Variants in PINK1 observed in about 807,000 individuals in gnomAD.
PINK1 encodes serine/threonine-protein kinase PINK1, mitochondrial.
In PINK1, 58 loss-of-function variants were observed where a neutral mutation model predicts 56.0. The observed-to-expected ratio is 1.04, with a 90% CI of 0.84 to 1.29. The LOEUF is 1.29. PINK1 is among the 50% of genes most tolerant of loss of function. PINK1 has a pLI of 0.00. For synonymous variants in PINK1, 354 were observed against 339.3 expected (o/e 1.04, Z -0.48); for missense variants, 745 against 777.9 (o/e 0.96, Z 0.50).
intron 1 of PINK1, among the ~76,000 whole-genome samples, chr1:20,634,242 A>T (rs1453299266): frequency 3.3e-5 from 5 of 152,238 alleles, no homozygotes; most frequent in African/African-American, 4.8e-5. Flanking sequence ...ACTAAATCAT[A>T]ACATTCCTAT....
chr1:20,648,768 G>A (rs999515175), intron 6 of PINK1, 136 bp downstream of exon 6: 2 of 1,466,018 alleles, frequency 1.4e-6, no homozygotes, highest in African/African-American at 1.4e-5. Flanking sequence ...TTCCTTCCCT[G>A]CCACTTTGCT....
chr1:20,649,545 A>T (rs1403373647), intron 7 of PINK1: 2 of 344,628 alleles, frequency 5.8e-6, no homozygotes, highest in Non-Finnish European at 1.1e-5. Flanking sequence ...CGGGTGGATC[A>T]CTTGGGACCA....
In PINK1 at chr1:20,638,085, G is replaced by A. The variant is rs201885172; in HGVS notation, c.631G>A (p.Ala211Thr). The A allele has an allele frequency of 2.7e-5, 44 of 1,613,724 alleles. No individual in the cohort carries two copies. The highest frequency in any genetic ancestry group is 1.1e-5 in the South Asian group (1 of 91,088). Reference protein sequence around the residue: ...PGEGQERAPGAPAFPLAIKMM... With the variant: ...PGEGQERAPGTPAFPLAIKMM... ...AGAAGGGCAGGAGCGAGCTCCGGGG[G>A]CCCCTGCCTTCCCCTTGGCCATCAA... The change falls in exon 2 of 8, where the codon GCC (alanine) becomes ACC (threonine). Residue 211 changes from alanine to threonine, a missense_variant. Ala to Thr is a moderately conservative substitution (Grantham distance 58). Transcript: ENST00000321556.
At chr1:20,648,484 A>C (rs2053215536) in intron 5 of PINK1, 21 bp from the exon 6 acceptor site, 1 of 1,614,028 alleles carries the variant, frequency 6.2e-7, no homozygotes, top group Non-Finnish European at 8.5e-7. Flanking sequence ...AGAAATGGTC[A>C]CTTTGCTTGC....
chr1:20,646,763 C>G (rs931323591), intron 5 of PINK1, among the ~76,000 whole-genome samples: 21 of 152,074 alleles, frequency 1.4e-4, no homozygotes, highest in African/African-American at 5.1e-4. Flanking sequence ...GCTGAATGGC[C>G]ACTTGCCTAG....
intron 1 of PINK1, among the ~76,000 whole-genome samples, chr1:20,634,512 T>G (rs1212286797): frequency 6.6e-6 from 1 of 152,186 alleles, no homozygotes; most frequent in Non-Finnish European, 1.5e-5. Flanking sequence ...GTTCTTAGGG[T>G]TTTTTAATGC....
chr1:20,640,712 C>T (rs1162125314), intron 3 of PINK1, among the ~76,000 whole-genome samples: 1 of 152,136 alleles, frequency 6.6e-6, no homozygotes. Context: ...GTGGTGAGGA[C>T]TGACGCGCAG....
In PINK1 at chr1:20,645,684, G is replaced by T. The variant is rs1400562167; in HGVS notation, c.1084G>T (p.Asp362Tyr). 1 of 1,613,970 alleles carries T rather than the reference G, an allele frequency of 6.2e-7. No individual in the cohort carries two copies. The highest frequency in any genetic ancestry group is 1.3e-5 in the African/African-American group (1 of 74,898). ...GGTTCAACAGGGCATCGCGCACAGA[G>T]ACCTGAAATCCGACAACATCCTTGT... Reference protein sequence around the residue: ...HLVQQGIAHRDLKSDNILVEL... With the variant: ...HLVQQGIAHRYLKSDNILVEL... The change falls in exon 5 of 8, where the codon GAC becomes TAC. Residue 362 changes from aspartate to tyrosine, a missense_variant. By Grantham distance (160) the Asp-to-Tyr change is radical (BLOSUM62 -3). Transcript: ENST00000321556.
intron 4 of PINK1, 144 bp downstream of exon 4, chr1:20,644,816 C>A: frequency 1.8e-6 from 2 of 1,099,064 alleles, no homozygotes; most frequent in Non-Finnish European, 2.6e-6. Flanking sequence ...GCAAAGGGAA[C>A]ATATCTGCCC....
intron 4 of PINK1, 64 bp from the exon 5 acceptor site, chr1:20,645,496 A>AAAG: frequency 6.7e-7 from 1 of 1,502,694 alleles, no homozygotes; most frequent in South Asian, 1.2e-5. Context: ...TCAAAAAAAA[A>AAAG]AAAAAAAACG....
In PINK1 at chr1:20,650,769, T is replaced by C. The variant is rs1269173679; in HGVS notation, c.*78T>C. 2.5e-5 allele frequency: 39 copies of C among 1,559,304 alleles called. No individual in the cohort carries two copies. On this transcript the variant is annotated 3_prime_UTR_variant, in exon 8 of 8. Transcript: ENST00000321556. ...CGTGATGGTCTGTGAATGGTGAGGG[T>C]GGGAGTCAGGAGACAAGACAGCGCA...
intron 6 of PINK1, 64 bp from the exon 7 acceptor site, chr1:20,648,931 G>A (rs1365548104): frequency 1.3e-6 from 2 of 1,525,138 alleles, no homozygotes; most frequent in Middle Eastern, 2.3e-4. Flanking sequence ...ATCAGGTGAT[G>A]TGCAGGACAT....
At chr1:20,649,449 G>A in intron 7 of PINK1, 1 of 578,054 alleles carries the variant, frequency 1.7e-6, no homozygotes, top group South Asian at 2.1e-5. Flanking sequence ...TTCAACTCCT[G>A]TGGCTTTTTT....
intron 5 of PINK1, 69 bp downstream of exon 5, chr1:20,645,792 G>A: frequency 6.3e-7 from 1 of 1,584,466 alleles, no homozygotes; most frequent in Non-Finnish European, 8.6e-7. Context: ...ATTTAGGACT[G>A]ACTCTTCAGG....
In PINK1 at chr1:20,644,555, T is replaced by C. The variant is rs1358387259; in HGVS notation, c.842T>C (p.Phe281Ser). 6.2e-7 allele frequency: 1 copy of C among 1,614,100 alleles called. No individual in the cohort carries two copies. The highest frequency in any genetic ancestry group is 2.2e-5 in the East Asian group (1 of 44,898). ...HPNIIRVLRA[F>S]TSSVPLLPGA... ...AACATCATCCGGGTTCTCCGCGCCTTCACCTCTTCCGTGCCGCTGCTGCCA... is the reference window on the plus strand; with the variant it reads ...AACATCATCCGGGTTCTCCGCGCCTCCACCTCTTCCGTGCCGCTGCTGCCA... The change falls in exon 4 of 8, where the codon TTC (phenylalanine) becomes TCC (serine). Residue 281 changes from phenylalanine (F) to serine (S), a missense_variant. By Grantham distance (155) the Phe-to-Ser change is radical. Transcript: ENST00000321556.
At position 20,639,448 on chromosome 1, in the gene PINK1, G is replaced by A. The variant is rs180769300; in HGVS notation, c.676-444G>A. ...TTTGGTTTTTGTCTGTTTGTCGTGG[G>A]GGATGGAGGAAGGCTGTTCTGTGAT... On this transcript the variant is annotated intron_variant, in intron 2 of 7. Transcript: ENST00000321556. 16 of 260,990 alleles carry A rather than the reference G, an allele frequency of 6.1e-5. No individual in the cohort carries two copies. In the East Asian group the frequency reaches 1.4e-3, roughly 22 times the overall value. The allele number at this position is 260,990 out of a possible 1,614,324, so 16.2% of individuals were successfully genotyped here.
In PINK1 at chr1:20,648,531, G is replaced by A; in HGVS notation, c.1150G>A (p.Asp384Asn). ...CGGCTGCCCCTGGCTGGTGATCGCA[G>A]ATTTTGGCTGCTGCCTGGCTGATGA... ...PDGCPWLVIA[D>N]FGCCLADESI... Residue 384 changes from aspartate to asparagine, a missense_variant, in exon 6 of 8, where the codon GAT becomes AAT. Physicochemically the swap from Asp to Asn is conservative, Grantham distance 23. Coordinates refer to ENST00000321556, the MANE Select transcript of PINK1 (RefSeq NM_032409.3). The A allele has an allele frequency of 1.9e-6, 3 of 1,614,174 alleles. No individual in the cohort carries two copies. Among genetic ancestry groups the A allele is most frequent in the East Asian group, 2.2e-5 (1 of 44,880 alleles).
At position 20,650,684 on chromosome 1, in the gene PINK1, C is replaced by T. The variant is rs762044569; in HGVS notation, c.1739C>T (p.Ala580Val). 6.2e-7 allele frequency: 1 copy of T among 1,613,594 alleles called. No homozygotes were observed. ...CTCCTCCTCTGCTCATGGAGGGCAG[C>T]CCTGTGATGTCCCTGCATGGAGCTG... The part of the protein sequence containing the change: ...AALLLCSWRA[A>V]L Residue 580 changes from alanine (A) to valine (V), a missense_variant, in exon 8 of 8, where the codon GCC becomes GTC. Physicochemically the swap from Ala to Val is moderately conservative, Grantham distance 64. Transcript: ENST00000321556.
chr1:20,640,045 A>T (rs1367065307), intron 3 of PINK1, 53 bp downstream of exon 3: 2 of 1,442,570 alleles, frequency 1.4e-6, no homozygotes, highest in African/African-American at 1.4e-5. Context: ...GAGCAACTTC[A>T]TCCATCACTT....
Sources: gnomAD v4.1 joint callset for allele counts (sites outside exome capture counted in the v4.1 genomes callset) on GRCh38, gnomAD v4.1.1 for gene constraint, MANE v1.5 for transcripts, NCBI Gene and HGNC (gene_info 2026-07-23, HGNC 2026-07-21) for gene names.